RAD51B: variants seen among roughly 807,000 people sequenced by gnomAD.
RAD51B encodes DNA repair protein RAD51 homolog 2.
In RAD51B, 38 loss-of-function variants were observed where a neutral mutation model predicts 42.2. The ratio of observed to expected loss-of-function variants is 0.90; its 90% CI spans 0.70 to 1.18. RAD51B has a LOEUF of 1.18. Among genes scored for constraint, RAD51B ranks in the 50% most tolerant of loss-of-function variants. The pLI is 0.00. For missense variants in RAD51B, 373 were observed against 400.7 expected (o/e 0.93, Z 0.59); for synonymous variants, 154 against 145.2 (o/e 1.06, Z -0.43).
At chr14:68,267,666 T>C (rs1000247800) in intron 7 of RAD51B, among the ~76,000 whole-genome samples, 4 of 152,254 alleles carry the variant, frequency 2.6e-5, no homozygotes, top group African/African-American at 9.6e-5. Context: ...GAATTTATTT[T>C]AAAAATATTT....
At chr14:68,096,077 T>C (rs1187890695) in intron 7 of RAD51B, among the ~76,000 whole-genome samples, 1 of 151,728 alleles carries the variant, frequency 6.6e-6, no homozygotes, top group Non-Finnish European at 1.5e-5. Flanking sequence ...AAGCCAAGTC[T>C]AACTCTAAAG....
downstream of RAD51B, among the ~76,000 whole-genome samples, chr14:68,614,941 C>A (rs151185623): frequency 3.9e-5 from 6 of 152,328 alleles, 1 homozygote; most frequent in South Asian, 1.2e-3. Context: ...GGCATGATCT[C>A]AGCTCACTGC....
intron 7 of RAD51B, among the ~76,000 whole-genome samples, chr14:68,086,198 A>G (rs1320040101): frequency 6.6e-6 from 1 of 152,176 alleles, no homozygotes; most frequent in African/African-American, 2.4e-5. Context: ...TTTCCCCTGG[A>G]GTTGGGCCGC....
At chr14:68,074,305 T>G (rs964968141) in intron 7 of RAD51B, among the ~76,000 whole-genome samples, 1 of 152,194 alleles carries the variant, frequency 6.6e-6, no homozygotes, top group Non-Finnish European at 1.5e-5. Flanking sequence ...TTCTCAGCCT[T>G]GTCTATTCTG....
intron 7 of RAD51B, among the ~76,000 whole-genome samples, chr14:67,959,802 G>A (rs1441592529): frequency 2.6e-5 from 4 of 152,026 alleles, no homozygotes; most frequent in African/African-American, 7.3e-5. Context: ...AAATATGACC[G>A]GGTGCAGTGG....
rs995079204 is a variant in RAD51B at position 68,381,680 on chromosome 14, AAAAT to A, written c.854-29728_854-29725del. On this transcript the variant is annotated intron_variant, in intron 8 of 10. Coordinates refer to ENST00000471583, the MANE Select transcript of RAD51B (RefSeq NM_133510.4). The stretch of plus-strand genomic sequence containing the variant: ...AGGCGACAGAGCAAGACTCCGTCTC[AAAAT>A]AAATAAATAAATAAAAAGCCATAGA... Among the ~76,000 whole-genome samples, 2 of 152,170 alleles carry A rather than the reference AAAAT, an allele frequency of 1.3e-5. 1 individual carries two copies. The highest frequency in any genetic ancestry group is 3.9e-4 in the East Asian group (2 of 5,194).
intron 9 of RAD51B, among the ~76,000 whole-genome samples, chr14:68,462,989 G>T (rs1246249226): frequency 1.3e-5 from 2 of 152,168 alleles, no homozygotes; most frequent in African/African-American, 4.8e-5. Flanking sequence ...AGTGCGATCA[G>T]AATTTTTCAC....
intron 8 of RAD51B, among the ~76,000 whole-genome samples, chr14:68,350,714 G>A (rs1197131114): frequency 6.6e-6 from 1 of 152,222 alleles, no homozygotes; most frequent in Non-Finnish European, 1.5e-5. Context: ...TAGTGGAGGG[G>A]AGATGGTGGT....
In RAD51B at chr14:68,537,455, C is replaced by T. The variant is rs570458712; in HGVS notation, c.1037-57030C>T. 4.0e-5 allele frequency among the ~76,000 whole-genome samples: 6 copies of T among 151,228 alleles called. No homozygotes were observed. The East Asian group carries it at 5.8e-4, about 15-fold the overall frequency. ...TGGAGCTTGCAGTGAGCCGAGATCGCGCCACTGTACTCCAGCCTGGGCGAC... is the reference window on the plus strand; with the variant it reads ...TGGAGCTTGCAGTGAGCCGAGATCGTGCCACTGTACTCCAGCCTGGGCGAC... On this transcript the variant is annotated intron_variant, in intron 10 of 10. Coordinates refer to the RAD51B transcript ENST00000487270.
At chr14:68,217,840 G>T (rs747113006) in intron 7 of RAD51B, among the ~76,000 whole-genome samples, 62 of 152,288 alleles carry the variant, frequency 4.1e-4, no homozygotes, top group Non-Finnish European at 7.4e-4. Context: ...TAAAGTGTTT[G>T]TTACTTAACT....
intron 7 of RAD51B, among the ~76,000 whole-genome samples, chr14:68,172,669 G>C (rs2078895276): frequency 1.3e-5 from 2 of 152,116 alleles, no homozygotes; most frequent in Non-Finnish European, 2.9e-5. Context: ...TAAAGAAAGA[G>C]CTTAAGAGAA....
chr14:68,571,090 G>T (rs569322716), intron 10 of RAD51B, among the ~76,000 whole-genome samples: 9 of 152,174 alleles, frequency 5.9e-5, no homozygotes, highest in Non-Finnish European at 1.2e-4. Context: ...TTGGCAGAGG[G>T]GGGAGGCAGA....
chr14:68,057,124 T>C (rs977967011), intron 7 of RAD51B, among the ~76,000 whole-genome samples: 1 of 151,804 alleles, frequency 6.6e-6, no homozygotes, highest in African/African-American at 2.4e-5. Context: ...AGGAAATATT[T>C]ATTGGGTTGG....
intron 7 of RAD51B, among the ~76,000 whole-genome samples, chr14:68,121,871 G>T (rs1253509856): frequency 6.6e-6 from 1 of 151,904 alleles, no homozygotes; most frequent in Admixed American, 6.6e-5. Flanking sequence ...AGACTGTGGT[G>T]CTGGTATAGA....
intron 9 of RAD51B, among the ~76,000 whole-genome samples, chr14:68,413,966 C>G (rs894434841): frequency 2.6e-5 from 4 of 151,874 alleles, no homozygotes; most frequent in African/African-American, 9.7e-5. Context: ...GCAGAGGCCA[C>G]TACACCCAGG....
intron 7 of RAD51B, among the ~76,000 whole-genome samples, chr14:67,968,971 G>C (rs1220838773): frequency 6.6e-6 from 1 of 152,190 alleles, no homozygotes; most frequent in Admixed American, 6.5e-5. Context: ...GGAGGCCTGA[G>C]AATCATGGTG....
At chr14:68,454,356 T>TA (rs1229377289) in intron 9 of RAD51B, among the ~76,000 whole-genome samples, 2 of 151,886 alleles carry the variant, frequency 1.3e-5, no homozygotes, top group Non-Finnish European at 2.9e-5. Flanking sequence ...GACAAAAACT[T>TA]AAAAAAAACT....
chr14:68,185,328 G>A (rs1048534322), intron 7 of RAD51B, among the ~76,000 whole-genome samples: 2 of 152,146 alleles, frequency 1.3e-5, no homozygotes, highest in African/African-American at 4.8e-5. Flanking sequence ...TAGGGCAAGT[G>A]GAGTGGCATG....
In RAD51B at chr14:68,538,789, G is replaced by A. The variant is rs578223387; in HGVS notation, c.1037-55696G>A. 3.9e-5 allele frequency among the ~76,000 whole-genome samples: 6 copies of A among 152,276 alleles called. No homozygotes were observed. In the East Asian group the frequency reaches 9.7e-4, roughly 24 times the overall value. ...GCGAAAAAGAGCTGGGGCTGAGCAG[G>A]ATCAGCCTGCCCTGGGTGGGGCTGG... On this transcript the variant is annotated intron_variant, in intron 10 of 10. Coordinates refer to the RAD51B transcript ENST00000487270.
Sources: allele counts gnomAD v4.1 joint callset (sites outside exome capture counted in the v4.1 genomes callset), GRCh38; gene constraint gnomAD v4.1.1; transcripts MANE v1.5; gene names NCBI Gene and HGNC (gene_info 2026-07-23, HGNC 2026-07-21).